The following BRINP3 variants were observed in gnomAD, a reference collection of about 807,000 sequenced individuals.
BRINP3 encodes BMP/retinoic acid-inducible neural-specific protein 3.
In BRINP3, 19 loss-of-function variants were observed where a neutral mutation model predicts 71.0. The observed-to-expected ratio is 0.27, with a 90% CI of 0.19 to 0.39. The LOEUF is 0.39. BRINP3 is among the 10% of genes least tolerant of loss of function. BRINP3 has a pLI of 1.00. For synonymous variants in BRINP3, 380 were observed against 337.7 expected, an observed-to-expected ratio of 1.13 and a Z score of -1.37; for missense variants, 959 against 940.8, an observed-to-expected ratio of 1.02 and a Z score of -0.25.
intron 4 of BRINP3, among the ~76,000 whole-genome samples, chr1:190,260,267 G>A (rs1445432760): frequency 6.6e-6 from 1 of 151,756 alleles, no homozygotes; most frequent in Non-Finnish European, 1.5e-5. Context: ...ATCACCTAGT[G>A]GAAATTTGCA....
intron 4 of BRINP3, among the ~76,000 whole-genome samples, chr1:190,253,884 G>T (rs1176188115): frequency 6.6e-6 from 1 of 152,110 alleles, no homozygotes; most frequent in Non-Finnish European, 1.5e-5. Flanking sequence ...TTCTTCTAGG[G>T]TTTCTATGGT....
chr1:190,326,390 A>G (rs749693810), intron 2 of BRINP3, among the ~76,000 whole-genome samples: 6 of 152,134 alleles, frequency 3.9e-5, no homozygotes, highest in Non-Finnish European at 7.4e-5. Flanking sequence ...TTGAGGGAAT[A>G]ACACAGGAAA....
chr1:190,316,948 G>A (rs758437415), intron 2 of BRINP3, among the ~76,000 whole-genome samples: 2 of 151,902 alleles, frequency 1.3e-5, no homozygotes, highest in Non-Finnish European at 2.9e-5. Context: ...TGAGGTGGGC[G>A]GATCACCTGA....
intron 3 of BRINP3, among the ~76,000 whole-genome samples, chr1:190,274,698 T>A (rs950255864): frequency 1.3e-5 from 2 of 151,658 alleles, no homozygotes; most frequent in African/African-American, 4.8e-5. Context: ...TGCAGTTACA[T>A]GTTGCTCTCA....
At chr1:190,455,121 T>C (rs929871033) in intron 1 of BRINP3, among the ~76,000 whole-genome samples, 181 bp from the exon 2 acceptor site, 1 of 152,194 alleles carries the variant, frequency 6.6e-6, no homozygotes. Context: ...TTATACTTTG[T>C]TCCTTTTTTA....
At chr1:190,180,238 G>A (rs542952139) in intron 6 of BRINP3, among the ~76,000 whole-genome samples, 6 of 152,166 alleles carry the variant, frequency 3.9e-5, no homozygotes, top group Non-Finnish European at 8.8e-5. Flanking sequence ...ACTCTCTCTA[G>A]GAACCAGATA....
At chr1:190,123,538 G>A (rs1456736835) in intron 7 of BRINP3, among the ~76,000 whole-genome samples, 1 of 152,022 alleles carries the variant, frequency 6.6e-6, no homozygotes, top group Non-Finnish European at 1.5e-5. Context: ...TAAGTACTTA[G>A]TACAACTTAT....
intron 2 of BRINP3, among the ~76,000 whole-genome samples, chr1:190,300,288 C>A (rs970191280): frequency 2.6e-5 from 4 of 151,964 alleles, no homozygotes; most frequent in African/African-American, 9.7e-5. Context: ...TTCTCACTTC[C>A]TTTCATTCAT....
At chr1:190,117,475 A>G (rs1391380171) in intron 7 of BRINP3, among the ~76,000 whole-genome samples, 1 of 151,986 alleles carries the variant, frequency 6.6e-6, no homozygotes, top group Non-Finnish European at 1.5e-5. Flanking sequence ...GGTATTTTTT[A>G]GCTAGCCTCA....
chr1:190,443,404 C>CAAAAAA (rs560504461), intron 2 of BRINP3, among the ~76,000 whole-genome samples: 1 of 73,586 alleles, frequency 1.4e-5, no homozygotes, highest in East Asian at 3.6e-4. Context: ...GACTCCGTCT[C>CAAAAAA]AAAAAAAAAA....
At chr1:190,462,995 T>C (rs1676495837) in intron 1 of BRINP3, among the ~76,000 whole-genome samples, 1 of 152,056 alleles carries the variant, frequency 6.6e-6, no homozygotes, top group Non-Finnish European at 1.5e-5. Flanking sequence ...ATCTACTAAA[T>C]GTGATTTATT....
chr1:190,218,910 A>T, intron 6 of BRINP3, among the ~76,000 whole-genome samples: 1 of 152,180 alleles, frequency 6.6e-6, no homozygotes, highest in East Asian at 1.9e-4. Flanking sequence ...CAACAAAAGC[A>T]AAATATTTTG....
chr1:190,371,929 C>T (rs146165615), intron 2 of BRINP3, among the ~76,000 whole-genome samples: 1,581 of 152,196 alleles, frequency 0.01, 17 homozygotes, highest in Non-Finnish European at 0.014. Context: ...CCGACATTCA[C>T]GGTGACATAA....
intron 5 of BRINP3, among the ~76,000 whole-genome samples, chr1:190,232,398 A>T (rs1168249880): frequency 6.6e-6 from 1 of 152,080 alleles, no homozygotes; most frequent in Non-Finnish European, 1.5e-5. Flanking sequence ...AGCCAACATT[A>T]TACTTGGATT....
At chr1:190,186,818 A>C (rs774220004) in intron 6 of BRINP3, among the ~76,000 whole-genome samples, 10 of 152,140 alleles carry the variant, frequency 6.6e-5, no homozygotes, top group Admixed American at 5.2e-4. Context: ...ATAGAAAAAA[A>C]AAATAACTCT....
At chr1:190,226,012 G>C (rs891280238) in intron 6 of BRINP3, 70 bp downstream of exon 6, 1 of 1,033,878 alleles carries the variant, frequency 9.7e-7, no homozygotes, top group South Asian at 1.7e-5. Context: ...TCTTGAAAAA[G>C]GACAAATTAG....
intron 6 of BRINP3, among the ~76,000 whole-genome samples, 161 bp downstream of exon 6, chr1:190,225,921 T>C (rs1164476260): frequency 6.6e-6 from 1 of 151,982 alleles, no homozygotes; most frequent in African/African-American, 2.4e-5. Flanking sequence ...AAAGCACTAG[T>C]TAATAACCAG....
At chr1:190,111,156 G>A (rs1396395783) in intron 7 of BRINP3, among the ~76,000 whole-genome samples, 1 of 125,532 alleles carries the variant, frequency 8.0e-6, no homozygotes, top group Non-Finnish European at 1.6e-5. Flanking sequence ...CCAGCCGGGA[G>A]CCTGGGCGAC....
At chr1:190,191,207 C>T (rs1485061892) in intron 6 of BRINP3, among the ~76,000 whole-genome samples, 1 of 152,052 alleles carries the variant, frequency 6.6e-6, no homozygotes, top group African/African-American at 2.4e-5. Flanking sequence ...ATTAACATTA[C>T]CTGGAGACTT....
Sources: gnomAD v4.1 joint callset for allele counts (sites outside exome capture counted in the v4.1 genomes callset) on GRCh38, gnomAD v4.1.1 for gene constraint, MANE v1.5 for transcripts, NCBI Gene and HGNC (gene_info 2026-07-23, HGNC 2026-07-21) for gene names.